PKIG: variants seen among roughly 807,000 people sequenced by gnomAD.
The protein encoded by PKIG is cAMP-dependent protein kinase inhibitor gamma.
PKIG carries 1 observed loss-of-function variant against 6.8 expected under a neutral mutation model. The observed-to-expected ratio is 0.15, with a 90% CI of 0.05 to 0.69. The LOEUF is 0.69. Among genes scored for constraint, PKIG ranks in the 30% least tolerant of loss-of-function variants. The pLI, the probability that PKIG is intolerant of heterozygous loss-of-function variation, is 0.82. For synonymous variants in PKIG, 39 were observed against 43.0 expected (o/e 0.91, Z 0.36); for missense variants, 77 against 104.0 (o/e 0.74, Z 1.13).
intron 2 of PKIG, among the ~76,000 whole-genome samples, chr20:44,612,240 C>G (rs1342234565): frequency 6.6e-6 from 1 of 152,180 alleles, no homozygotes; most frequent in Non-Finnish European, 1.5e-5. Flanking sequence ...ATGACTACTT[C>G]ATAATTCACG....
At chr20:44,611,470 C>T (rs1188144997) in intron 2 of PKIG, among the ~76,000 whole-genome samples, 1 of 152,056 alleles carries the variant, frequency 6.6e-6, no homozygotes, top group Non-Finnish European at 1.5e-5. Context: ...CTCTCCTCTC[C>T]CCTCCCCAGT....
chr20:44,576,142 A>G (rs1029526824), intron 1 of PKIG, among the ~76,000 whole-genome samples: 1 of 150,472 alleles, frequency 6.6e-6, no homozygotes, highest in Non-Finnish European at 1.5e-5. Flanking sequence ...GTTTTACCAT[A>G]GACTGGACTA....
At chr20:44,575,362 G>C (rs1220711058) in intron 1 of PKIG, among the ~76,000 whole-genome samples, 1 of 152,172 alleles carries the variant, frequency 6.6e-6, no homozygotes, top group African/African-American at 2.4e-5. Context: ...GAGATTACAG[G>C]CACCTGCCAC....
intron 1 of PKIG, among the ~76,000 whole-genome samples, chr20:44,566,225 T>C (rs1261488150): frequency 1.3e-5 from 2 of 152,266 alleles, no homozygotes; most frequent in Non-Finnish European, 2.9e-5. Context: ...ATGTTCATTT[T>C]GTTTACACAT....
chr20:44,618,080 C>A (rs2065285664), intron 3 of PKIG, among the ~76,000 whole-genome samples: 1 of 152,150 alleles, frequency 6.6e-6, no homozygotes, highest in Non-Finnish European at 1.5e-5. Context: ...ATTATACTAA[C>A]AAACACTATG....
upstream of PKIG, among the ~76,000 whole-genome samples, chr20:44,579,137 A>C (rs2064925687): frequency 6.6e-6 from 1 of 152,238 alleles, no homozygotes; most frequent in Non-Finnish European, 1.5e-5. Context: ...ATGCTGCTAT[A>C]TTAGACACAG....
At chr20:44,560,051 A>G (rs950329968) in intron 1 of PKIG, among the ~76,000 whole-genome samples, 7 of 147,334 alleles carry the variant, frequency 4.8e-5, no homozygotes, top group Non-Finnish European at 1.0e-4. Flanking sequence ...GGAGAAGAAA[A>G]TATGAAAAAA....
At chr20:44,607,851 A>G (rs1405764498) in intron 2 of PKIG, among the ~76,000 whole-genome samples, 2 of 151,146 alleles carry the variant, frequency 1.3e-5, no homozygotes, top group African/African-American at 4.9e-5. Context: ...CGCCCAGCTA[A>G]TTTTTTGCAT....
rs1012118812 is a variant in PKIG at position 44,614,859 on chromosome 20, A to T, written c.151+152A>T. ...CCCATGGTCAGTGGCAGAGTCCAGC[A>T]ATCTCTAGGTTGGAAGATGTTTGAG... On this transcript the variant is annotated intron_variant, in intron 3 of 3. Transcript: ENST00000372886. The surrounding 1 kb of genome is among the most constrained non-coding windows in gnomAD (Gnocchi z 4.6). 80 of 738,284 alleles carry T rather than the reference A, an allele frequency of 1.1e-4. No individual in the cohort carries two copies. Among genetic ancestry groups the T allele is most frequent in the Non-Finnish European group, 1.5e-4 (71 of 460,734 alleles). 45.7% of individuals were successfully genotyped at this position (738,284 alleles called of 1,614,324 possible).
chr20:44,605,134 G>A (rs1053384961), intron 2 of PKIG, among the ~76,000 whole-genome samples: 5 of 152,228 alleles, frequency 3.3e-5, no homozygotes, highest in South Asian at 4.1e-4. Context: ...GGCCAGGTGC[G>A]GTGGCTCACG....
rs556652240 is a variant in PKIG at position 44,607,381 on chromosome 20, T to A, written c.-23-7153T>A. On this transcript the variant is annotated intron_variant, in intron 2 of 3. Transcript: ENST00000372886. ...TGTGTATATATATATATATATATTT[T>A]TTTTTTTTTTTTTTTGAAATAGAGT... Among the ~76,000 whole-genome samples, 569 of 141,836 alleles carry A rather than the reference T, an allele frequency of 4.0e-3. 7 individuals are homozygous for A. Among genetic ancestry groups the A allele is most frequent in the African/African-American group, 0.014 (529 of 38,346 alleles). The allele number at this position is 141,836 out of a possible 152,430, so 93.0% of individuals were successfully genotyped here. A position where few individuals can be genotyped will look rare whatever the true frequency, so the allele number is the denominator to read the frequency against.
chr20:44,604,938 A>G (rs539799625), intron 2 of PKIG, among the ~76,000 whole-genome samples: 1 of 152,344 alleles, frequency 6.6e-6, no homozygotes, highest in Admixed American at 6.5e-5. Context: ...GATAAATACA[A>G]GATAAATTGG....
At chr20:44,564,851 A>G (rs2064797225) in intron 1 of PKIG, among the ~76,000 whole-genome samples, 1 of 152,264 alleles carries the variant, frequency 6.6e-6, no homozygotes, top group Admixed American at 6.5e-5. Context: ...AGGAGAAAAC[A>G]GACCTTCATG....
At chr20:44,564,086 C>G (rs1016220523) in intron 1 of PKIG, 3 of 152,024 alleles carry the variant, frequency 2.0e-5, no homozygotes, top group Non-Finnish European at 2.9e-5. Flanking sequence ...TTTTCCAGTG[C>G]TTTTATGGTT....
At chr20:44,550,063 G>GT (rs1021924488) in intron 1 of PKIG, among the ~76,000 whole-genome samples, 1 of 150,156 alleles carries the variant, frequency 6.7e-6, no homozygotes, top group Non-Finnish European at 1.5e-5. Context: ...GTATACCTTA[G>GT]TTTTTTATGT....
intron 1 of PKIG, among the ~76,000 whole-genome samples, chr20:44,554,267 G>A (rs948427096): frequency 6.6e-6 from 1 of 151,838 alleles, no homozygotes. Flanking sequence ...ATTTTTAGTA[G>A]AGACAGGGTT....
At chr20:44,546,800 C>T (rs531009166) in intron 1 of PKIG, among the ~76,000 whole-genome samples, 14 of 151,996 alleles carry the variant, frequency 9.2e-5, no homozygotes, top group African/African-American at 3.4e-4. Context: ...TAATTCCACC[C>T]GTCTCAGCGT....
rs555610589 is a variant in PKIG at position 44,590,080 on chromosome 20, G to GT, written c.-24+224dup. Among the ~76,000 whole-genome samples, 110 of 148,388 alleles carry GT rather than the reference G, an allele frequency of 7.4e-4. 2 individuals carry two copies. The highest frequency in any genetic ancestry group is 1.4e-3 in the Admixed American group (21 of 14,790). On this transcript the variant is annotated intron_variant, in intron 2 of 3. Coordinates refer to ENST00000372886, the MANE Select transcript of PKIG (RefSeq NM_001281445.2). ...CACAGTCAAGATTCTGTTTTCAGGC[G>GT]TTTTTTTTTTAATAGCATCAGAAAG...
chr20:44,563,111 C>A (rs1476189859), intron 1 of PKIG, among the ~76,000 whole-genome samples: 1 of 152,034 alleles, frequency 6.6e-6, no homozygotes, highest in Admixed American at 6.6e-5. Context: ...AGACTACTAG[C>A]CCATCACTAG....
Sources: allele counts gnomAD v4.1 joint callset (sites outside exome capture counted in the v4.1 genomes callset), GRCh38; gene constraint gnomAD v4.1.1; non-coding constraint Gnocchi (gnomAD v3.1); transcripts MANE v1.5; gene names NCBI Gene and HGNC (gene_info 2026-07-23, HGNC 2026-07-21).